The following SUMF1 variants were observed in gnomAD, a reference collection of about 807,000 sequenced individuals.
The protein encoded by SUMF1 is formylglycine-generating enzyme.
Under a neutral mutation model 47.6 loss-of-function variants are expected in SUMF1, and 48 were observed. The ratio of observed to expected loss-of-function variants is 1.01; its 90% CI spans 0.80 to 1.28. SUMF1 has a LOEUF of 1.28. SUMF1 is among the 50% of genes most tolerant of loss of function. The pLI is 0.00. For missense variants in SUMF1, 571 were observed against 485.4 expected, an observed-to-expected ratio of 1.18 and a Z score of -1.66; for synonymous variants, 230 against 192.1, an observed-to-expected ratio of 1.20 and a Z score of -1.63.
chr3:4,344,663 G>A (rs369765135), intron 8 of SUMF1, among the ~76,000 whole-genome samples: 4 of 152,212 alleles, frequency 2.6e-5, no homozygotes, highest in Admixed American at 6.5e-5. Context: ...CATCAAGGGC[G>A]CAGAACTGAA....
chr3:4,381,522 T>G (rs1043090042), intron 7 of SUMF1, among the ~76,000 whole-genome samples: 10 of 152,240 alleles, frequency 6.6e-5, no homozygotes, highest in African/African-American at 2.4e-4. Flanking sequence ...ACATGTCATT[T>G]GACACAATCC....
At chr3:4,383,008 G>A (rs1445244325) in intron 7 of SUMF1, among the ~76,000 whole-genome samples, 5 of 151,872 alleles carry the variant, frequency 3.3e-5, no homozygotes, top group African/African-American at 7.3e-5. Context: ...ACCATGGCAC[G>A]TGTATACCTA....
chr3:4,407,085 GACACACACAC>G (rs113556805), intron 7 of SUMF1, among the ~76,000 whole-genome samples: 80 of 148,656 alleles, frequency 5.4e-4, no homozygotes, highest in Middle Eastern at 3.4e-3. Context: ...ACACACATGG[GACACACACAC>G]ACACACACAC....
At chr3:4,199,690 C>A (rs1695501816) in intron 8 of SUMF1, among the ~76,000 whole-genome samples, 1 of 152,002 alleles carries the variant, frequency 6.6e-6, no homozygotes, top group Non-Finnish European at 1.5e-5. Context: ...TAATATCTCT[C>A]CGGTGTTTCA....
At chr3:4,255,267 T>A (rs1241272578) in intron 8 of SUMF1, among the ~76,000 whole-genome samples, 2 of 107,896 alleles carry the variant, frequency 1.9e-5, no homozygotes, top group African/African-American at 7.0e-5. Context: ...CATAACAATA[T>A]TAACTTTAAA....
At chr3:4,342,219 T>G in intron 8 of SUMF1, among the ~76,000 whole-genome samples, 1 of 152,268 alleles carries the variant, frequency 6.6e-6, no homozygotes, top group South Asian at 2.1e-4. Context: ...TGGTAAAGCT[T>G]TCTGTTATCA....
At chr3:4,304,391 C>T (rs1698097224) in intron 8 of SUMF1, among the ~76,000 whole-genome samples, 1 of 152,246 alleles carries the variant, frequency 6.6e-6, no homozygotes, top group Non-Finnish European at 1.5e-5. Context: ...ATCCGCCCGC[C>T]TCGGCCTCCC....
chr3:4,100,327 G>C (rs1693004545), intron 8 of SUMF1, among the ~76,000 whole-genome samples: 1 of 151,798 alleles, frequency 6.6e-6, no homozygotes, highest in South Asian at 2.1e-4. Flanking sequence ...GCATAGGACT[G>C]GCATAAAAAC....
chr3:4,061,733 T>C lies in SUMF1; in HGVS notation c.1191+6836A>G, dbSNP rs1695279534. Among the ~76,000 whole-genome samples the C allele has an allele frequency of 2.0e-5, 3 of 152,180 alleles. No homozygotes were observed. In the South Asian group the frequency reaches 6.2e-4, roughly 32 times the overall value. On this transcript the variant is annotated intron_variant and NMD_transcript_variant, in intron 9 of 12. Transcript: ENST00000448413. ...ACTGGGTACAGCTTGGCATTTGTCT[T>C]ATTAGAACATGGGTTGAACAGTTGA...
chr3:4,451,312 T>C (rs1702959147), intron 2 of SUMF1, among the ~76,000 whole-genome samples: 1 of 152,200 alleles, frequency 6.6e-6, no homozygotes, highest in South Asian at 2.1e-4. Context: ...CTGTGATTTC[T>C]ACTGGTAACA....
At chr3:4,456,942 G>GTGTATATATATA (rs1553589415) in intron 1 of SUMF1, among the ~76,000 whole-genome samples, 1 of 116,098 alleles carries the variant, frequency 8.6e-6, no homozygotes, top group African/African-American at 3.3e-5. Flanking sequence ...ATACGTGTGT[G>GTGTATATATATA]TACATATATA....
intron 8 of SUMF1, among the ~76,000 whole-genome samples, chr3:4,199,211 T>A (rs571881120): frequency 9.9e-5 from 15 of 152,266 alleles, no homozygotes; most frequent in African/African-American, 3.6e-4. Flanking sequence ...TAGTTCTGTC[T>A]TTTCCAGAAA....
intron 8 of SUMF1, among the ~76,000 whole-genome samples, chr3:4,073,004 G>A (rs191928312): frequency 2.0e-5 from 3 of 152,188 alleles, no homozygotes; most frequent in East Asian, 3.9e-4. Context: ...GATATTCCTC[G>A]AGAAGAGCAA....
intron 7 of SUMF1, among the ~76,000 whole-genome samples, chr3:4,392,321 T>G (rs1344008987): frequency 6.6e-6 from 1 of 152,164 alleles, no homozygotes; most frequent in Admixed American, 6.5e-5. Flanking sequence ...TGGCGTATTT[T>G]ATAGCAACTA....
intron 8 of SUMF1, among the ~76,000 whole-genome samples, chr3:4,338,003 G>GC (rs1182153622): frequency 6.6e-6 from 1 of 152,098 alleles, no homozygotes; most frequent in Non-Finnish European, 1.5e-5. Context: ...CAGACACCAG[G>GC]CCTCCCCTCT....
rs781702825 is a variant in SUMF1 at position 4,108,518 on chromosome 3, T to G, written c.1015-39773A>C. On this transcript the variant is annotated intron_variant and NMD_transcript_variant, in intron 8 of 12. Coordinates refer to the SUMF1 transcript ENST00000448413. ...TTGTTGATCTGTCTAATGTTGACAG[T>G]GGGGTGTTAAAGTCTCCCATTACTA... Among the ~76,000 whole-genome samples, 4 of 152,166 alleles carry G rather than the reference T, an allele frequency of 2.6e-5. No individual in the cohort carries two copies. The East Asian group carries it at 7.7e-4, about 29-fold the overall frequency.
chr3:4,391,640 A>G (rs1037981870), intron 7 of SUMF1, among the ~76,000 whole-genome samples: 2 of 151,850 alleles, frequency 1.3e-5, no homozygotes, highest in Admixed American at 6.6e-5. Context: ...ATACCATGAT[A>G]CCTGACTAAT....
intron 8 of SUMF1, among the ~76,000 whole-genome samples, chr3:4,117,849 A>G (rs1285543854): frequency 2.0e-5 from 3 of 152,004 alleles, no homozygotes; most frequent in Admixed American, 6.6e-5. Context: ...CATTGGCTAC[A>G]TGGTTCTAAT....
intron 3 of SUMF1, among the ~76,000 whole-genome samples, chr3:4,446,331 G>C (rs1702779497): frequency 6.6e-6 from 1 of 152,152 alleles, no homozygotes; most frequent in South Asian, 2.1e-4. Context: ...ATAAAGGGCA[G>C]CTCCCCTGCA....
Sources: allele counts gnomAD v4.1 joint callset (sites outside exome capture counted in the v4.1 genomes callset), GRCh38; gene constraint gnomAD v4.1.1; transcripts MANE v1.5; gene names NCBI Gene and HGNC (gene_info 2026-07-23, HGNC 2026-07-21).